The following ARPC2 variants were observed in gnomAD, a reference collection of about 807,000 sequenced individuals.
ARPC2 encodes actin related protein 2/3 complex subunit 2.
In ARPC2, 4 loss-of-function variants were observed where a neutral mutation model predicts 38.6. The ratio of observed to expected loss-of-function variants is 0.10; its 90% CI spans 0.05 to 0.24. The LOEUF is 0.24. Ranked by LOEUF, ARPC2 falls within the 10% of genes least tolerant of loss-of-function variation. ARPC2 has a pLI of 1.00. For missense variants in ARPC2, 229 were observed against 387.3 expected (o/e 0.59, Z 3.43); for synonymous variants, 125 against 140.8 (o/e 0.89, Z 0.79).
At chr2:218,249,704 G>A (rs1690134461) in intron 9 of ARPC2, 117 bp from the exon 10 acceptor site, 2 of 998,302 alleles carry the variant, frequency 2.0e-6, no homozygotes, top group African/African-American at 1.6e-5. Context: ...TGCAGGGCCT[G>A]GGTCAATCCC....
intron 7 of ARPC2, among the ~76,000 whole-genome samples, chr2:218,243,656 A>G (rs1290712348): frequency 6.6e-6 from 1 of 152,178 alleles, no homozygotes; most frequent in Non-Finnish European, 1.5e-5. Flanking sequence ...CACGCCTGTA[A>G]TCTCAGCTAC....
intron 2 of ARPC2, among the ~76,000 whole-genome samples, chr2:218,223,954 A>G (rs2106144193): frequency 6.6e-6 from 1 of 152,304 alleles, no homozygotes; most frequent in East Asian, 1.9e-4. Flanking sequence ...CAGCAAACTC[A>G]TCGTTAAGGC....
At chr2:218,238,530 T>C in intron 5 of ARPC2, 134 bp from the exon 6 acceptor site, 3 of 613,986 alleles carry the variant, frequency 4.9e-6, no homozygotes, top group African/African-American at 1.9e-5. Flanking sequence ...CAATAGAACC[T>C]GAAAAAAGAT....
chr2:218,234,929 A>T, intron 5 of ARPC2: 1 of 451,858 alleles, frequency 2.2e-6, no homozygotes, highest in Non-Finnish European at 4.4e-6. Context: ...CAGCTATGTT[A>T]TACTGCTTTA....
At chr2:218,249,743 G>A in intron 9 of ARPC2, 78 bp from the exon 10 acceptor site, 1 of 1,394,854 alleles carries the variant, frequency 7.2e-7, no homozygotes, top group South Asian at 1.2e-5. Context: ...CGCCCTTGAT[G>A]ACCTCTCTGA....
chr2:218,249,483 T>C lies in ARPC2; in HGVS notation c.777+19T>C. 1 of 1,545,988 alleles carries C rather than the reference T, an allele frequency of 6.5e-7. No individual in the cohort carries two copies. The highest frequency in any genetic ancestry group is 8.9e-7 in the Non-Finnish European group (1 of 1,125,894). ...CTCTAAGGTGAGGGGGGTGCCAGCA[T>C]CTCAGCCTCTATGCTCTGGGTCTTT... On this transcript the variant is annotated intron_variant, in intron 9 of 10. Coordinates refer to ENST00000315717, the MANE Select transcript of ARPC2 (RefSeq NM_152862.3).
intron 3 of ARPC2, among the ~76,000 whole-genome samples, chr2:218,227,656 T>C (rs1019005270): frequency 4.0e-5 from 6 of 151,756 alleles, no homozygotes; most frequent in Non-Finnish European, 8.8e-5. Context: ...AATGGCATGA[T>C]CTTGGCTCAC....
At chr2:218,228,295 C>T (rs560129597) in intron 3 of ARPC2, among the ~76,000 whole-genome samples, 40 of 151,844 alleles carry the variant, frequency 2.6e-4, no homozygotes, top group African/African-American at 8.2e-4. Context: ...CCCAGCTACT[C>T]GGGAGGCTGA....
At chr2:218,248,739 G>A (rs140817168) in intron 8 of ARPC2, among the ~76,000 whole-genome samples, 3,081 of 152,338 alleles carry the variant, frequency 0.02, 55 homozygotes, top group Non-Finnish European at 0.031. Context: ...TGGGATTACA[G>A]GCGTGAGCCA....
intron 7 of ARPC2, among the ~76,000 whole-genome samples, chr2:218,240,477 A>G (rs998027369): frequency 2.0e-5 from 3 of 152,172 alleles, no homozygotes; most frequent in Non-Finnish European, 2.9e-5. Flanking sequence ...AATGGACTGT[A>G]TAGCCAATTA....
At position 218,222,527 on chromosome 2, in the gene ARPC2, G is replaced by C. The variant is rs183321296; in HGVS notation, c.75-3393G>C. Among the ~76,000 whole-genome samples, 228 of 152,216 alleles carry C rather than the reference G, an allele frequency of 1.5e-3. 1 individual carries two copies. Among genetic ancestry groups the C allele is most frequent in the African/African-American group, 5.2e-3 (217 of 41,526 alleles). On this transcript the variant is annotated intron_variant, in intron 2 of 10. Transcript: ENST00000315717. ...TGGGTTGTCCAGGCAGTAACTCTGA[G>C]GACTTACCCAGCCGGCTTGTTCTAG...
chr2:218,219,094 C>CA (rs1293997562), intron 2 of ARPC2, among the ~76,000 whole-genome samples: 1 of 152,148 alleles, frequency 6.6e-6, no homozygotes, highest in African/African-American at 2.4e-5. Context: ...TCCAGACTAG[C>CA]AAAGAATGAG....
chr2:218,234,023 GC>G, intron 4 of ARPC2: 1 of 172,736 alleles, frequency 5.8e-6, no homozygotes, highest in South Asian at 1.5e-4. Context: ...AAAAAAATTA[GC>G]CGGGCATGGT....
At chr2:218,239,516 G>A (rs780961225) in intron 7 of ARPC2, 32 bp downstream of exon 7, 2 of 1,546,440 alleles carry the variant, frequency 1.3e-6, no homozygotes, top group Non-Finnish European at 1.8e-6. Context: ...GGAAACCCAT[G>A]CATGGCGACT....
intron 3 of ARPC2, among the ~76,000 whole-genome samples, chr2:218,228,527 T>C (rs1400573132): frequency 6.6e-6 from 1 of 152,228 alleles, no homozygotes; most frequent in Non-Finnish European, 1.5e-5. Context: ...AAGAATAGCT[T>C]TGTAATTTTA....
chr2:218,250,507 CA>C (rs1158665829), intron 10 of ARPC2, among the ~76,000 whole-genome samples: 1 of 151,640 alleles, frequency 6.6e-6, no homozygotes, highest in East Asian at 1.9e-4. Context: ...ACTAAAAATA[CA>C]AAAAAAATTA....
chr2:218,217,423 C>T (rs770560908), intron 1 of ARPC2, 40 bp from the exon 2 acceptor site: 2 of 1,601,568 alleles, frequency 1.2e-6, no homozygotes, highest in Non-Finnish European at 1.7e-6. Flanking sequence ...CTCCCTTACC[C>T]ACCCTCACCG....
intron 10 of ARPC2, among the ~76,000 whole-genome samples, chr2:218,253,387 G>A (rs1690241103): frequency 6.6e-6 from 1 of 152,216 alleles, no homozygotes; most frequent in Non-Finnish European, 1.5e-5. Flanking sequence ...CAGAGGAGGA[G>A]TCACCACGTG....
At chr2:218,223,352 A>G (rs1200660140) in intron 2 of ARPC2, among the ~76,000 whole-genome samples, 1 of 152,218 alleles carries the variant, frequency 6.6e-6, no homozygotes, top group African/African-American at 2.4e-5. Flanking sequence ...TGACTGTCAC[A>G]GCATTGTAGT....
Sources: gnomAD v4.1 joint callset for allele counts (sites outside exome capture counted in the v4.1 genomes callset) on GRCh38, gnomAD v4.1.1 for gene constraint, MANE v1.5 for transcripts, NCBI Gene and HGNC (gene_info 2026-07-23, HGNC 2026-07-21) for gene names.